The following MAGI2 variants were observed in gnomAD, a reference collection of about 807,000 sequenced individuals.
The protein encoded by MAGI2 is membrane-associated guanylate kinase, WW and PDZ domain-containing protein 2.
MAGI2 carries 35 observed loss-of-function variants against 133.3 expected under a neutral mutation model. That is an observed-to-expected ratio of 0.26 (90% CI 0.20 to 0.35). The LOEUF is 0.35. MAGI2 is among the 10% of genes least tolerant of loss of function. The probability of loss-of-function intolerance (pLI) is 1.00; values close to 1 mark genes in which losing one functional copy is unlikely to be tolerated. For missense variants in MAGI2, 1,636 were observed against 1,863.4 expected, an observed-to-expected ratio of 0.88 and a Z score of 2.25; for synonymous variants, 729 against 710.6, an observed-to-expected ratio of 1.03 and a Z score of -0.41.
At chr7:78,414,761 T>C (rs1798154747) in intron 6 of MAGI2, among the ~76,000 whole-genome samples, 1 of 151,942 alleles carries the variant, frequency 6.6e-6, no homozygotes. Flanking sequence ...CTGGGTTTGG[T>C]GAAAAAGTGA....
chr7:79,081,756 A>G (rs1816056042), intron 1 of MAGI2, among the ~76,000 whole-genome samples: 1 of 152,086 alleles, frequency 6.6e-6, no homozygotes, highest in South Asian at 2.1e-4. Context: ...TGTAACTCAT[A>G]TCAGAACTTT....
chr7:79,349,406 C>A (rs905282549), intron 1 of MAGI2, among the ~76,000 whole-genome samples: 2 of 151,872 alleles, frequency 1.3e-5, no homozygotes, highest in African/African-American at 4.8e-5. Context: ...TAGGATCTCA[C>A]CTCTTACTTA....
At chr7:78,033,183 G>C (rs1207061141) in intron 21 of MAGI2, among the ~76,000 whole-genome samples, 2 of 152,130 alleles carry the variant, frequency 1.3e-5, no homozygotes, top group African/African-American at 4.8e-5. Flanking sequence ...TTTGAAGATA[G>C]ACTAGAGTGG....
At chr7:79,272,688 TATGA>T (rs1447932986) in intron 1 of MAGI2, among the ~76,000 whole-genome samples, 1 of 141,574 alleles carries the variant, frequency 7.1e-6, no homozygotes, top group African/African-American at 2.6e-5. Context: ...ACTTTATGGT[TATGA>T]ATATTTTTTA....
At chr7:79,252,762 A>T (rs1157322589) in intron 1 of MAGI2, among the ~76,000 whole-genome samples, 1 of 152,120 alleles carries the variant, frequency 6.6e-6, no homozygotes, top group Non-Finnish European at 1.5e-5. Flanking sequence ...ATTAAAAATT[A>T]AAAAAATATT....
At chr7:78,778,729 T>G (rs112369421) in intron 2 of MAGI2, among the ~76,000 whole-genome samples, 40 of 152,296 alleles carry the variant, frequency 2.6e-4, no homozygotes, top group African/African-American at 8.7e-4. Context: ...ACAAACTGTG[T>G]GACTTTGGGC....
intron 2 of MAGI2, among the ~76,000 whole-genome samples, chr7:78,982,607 T>C (rs1036702667): frequency 6.6e-6 from 1 of 151,848 alleles, no homozygotes; most frequent in Non-Finnish European, 1.5e-5. Context: ...CTCTTTGCCC[T>C]CCTGACTTAG....
chr7:78,365,873 G>A (rs1324078192), intron 7 of MAGI2, among the ~76,000 whole-genome samples: 1 of 152,182 alleles, frequency 6.6e-6, no homozygotes, highest in Non-Finnish European at 1.5e-5. Context: ...AGAGGAAAAT[G>A]TGTGTTTATG....
At chr7:79,229,166 C>T (rs1831138340) in intron 1 of MAGI2, among the ~76,000 whole-genome samples, 1 of 150,364 alleles carries the variant, frequency 6.7e-6, no homozygotes. Flanking sequence ...CAACATAAGA[C>T]AGAAAAGTTA....
At chr7:78,348,250 C>A (rs1331895622) in intron 7 of MAGI2, 2 of 152,146 alleles carry the variant, frequency 1.3e-5, no homozygotes, top group Non-Finnish European at 2.9e-5. Context: ...GCATCTTGGG[C>A]AAATTTCTAA....
At chr7:78,879,347 A>G (rs1189806868) in intron 2 of MAGI2, among the ~76,000 whole-genome samples, 1 of 152,160 alleles carries the variant, frequency 6.6e-6, no homozygotes, top group Non-Finnish European at 1.5e-5. Context: ...CAACAAGAAT[A>G]AATTATATAC....
At chr7:78,666,719 T>A (rs1429872336) in intron 2 of MAGI2, among the ~76,000 whole-genome samples, 1 of 152,216 alleles carries the variant, frequency 6.6e-6, no homozygotes, top group East Asian at 1.9e-4. Flanking sequence ...TCAATTTGAT[T>A]CTTACCATAA....
At chr7:78,496,755 T>C (rs1251562160) in intron 5 of MAGI2, among the ~76,000 whole-genome samples, 2 of 152,148 alleles carry the variant, frequency 1.3e-5, no homozygotes, top group African/African-American at 4.8e-5. Context: ...GTGGTGATGA[T>C]GTGAAGTAGG....
intron 3 of MAGI2, among the ~76,000 whole-genome samples, chr7:78,544,511 T>C (rs933237328): frequency 1.3e-5 from 2 of 152,252 alleles, no homozygotes; most frequent in Non-Finnish European, 2.9e-5. Context: ...TGTATATCTA[T>C]GTTTATGTTT....
chr7:79,170,883 T>C (rs1225613309), intron 1 of MAGI2, among the ~76,000 whole-genome samples: 1 of 152,136 alleles, frequency 6.6e-6, no homozygotes, highest in Non-Finnish European at 1.5e-5. Context: ...TAGAGTGCAT[T>C]CATTCCATTA....
In MAGI2 at chr7:78,827,170, A is replaced by C. The variant is rs1164216434; in HGVS notation, c.418+179920T>G. Among the ~76,000 whole-genome samples, 3 of 152,348 alleles carry C rather than the reference A, an allele frequency of 2.0e-5. No homozygotes were observed. The East Asian group carries it at 5.8e-4, about 29-fold the overall frequency. ...CATCTATTTTCTTGCTGTCACCTAGAAACAATACTCTATTAGCAAGAAGCC... is the reference window on the plus strand; with the variant it reads ...CATCTATTTTCTTGCTGTCACCTAGCAACAATACTCTATTAGCAAGAAGCC... On this transcript the variant is annotated intron_variant, in intron 2 of 21. Coordinates refer to ENST00000354212, the MANE Select transcript of MAGI2 (RefSeq NM_012301.4).
intron 11 of MAGI2, among the ~76,000 whole-genome samples, chr7:78,199,819 A>G (rs1307220269): frequency 6.6e-6 from 1 of 152,246 alleles, no homozygotes; most frequent in Non-Finnish European, 1.5e-5. Flanking sequence ...TGTAATTACA[A>G]TAATGACAGC....
chr7:78,729,862 G>C (rs918602979), intron 2 of MAGI2, among the ~76,000 whole-genome samples: 2 of 152,092 alleles, frequency 1.3e-5, no homozygotes, highest in Admixed American at 1.3e-4. Context: ...TTACTTATCA[G>C]GGAAAATAAA....
intron 1 of MAGI2, among the ~76,000 whole-genome samples, chr7:79,100,182 T>G (rs1817855415): frequency 6.6e-6 from 1 of 152,114 alleles, no homozygotes; most frequent in Non-Finnish European, 1.5e-5. Context: ...CTGTGCTTCT[T>G]TATTATTATT....
Sources: gnomAD v4.1 joint callset for allele counts (sites outside exome capture counted in the v4.1 genomes callset) on GRCh38, gnomAD v4.1.1 for gene constraint, MANE v1.5 for transcripts, NCBI Gene and HGNC (gene_info 2026-07-23, HGNC 2026-07-21) for gene names.